Variants in PLCL1 observed in about 807,000 individuals in gnomAD.
PLCL1 encodes the protein inactive phospholipase C-like protein 1.
Under a neutral mutation model 84.4 loss-of-function variants are expected in PLCL1, and 41 were observed. That is an observed-to-expected ratio of 0.49 (90% CI 0.38 to 0.63). The LOEUF is 0.63. Among genes scored for constraint, PLCL1 ranks in the 30% least tolerant of loss-of-function variants. The pLI, the probability that PLCL1 is intolerant of heterozygous loss-of-function variation, is 0.00. For missense variants in PLCL1, 1,206 were observed against 1,367.8 expected, an observed-to-expected ratio of 0.88 and a Z score of 1.87; for synonymous variants, 490 against 488.3, an observed-to-expected ratio of 1.00 and a Z score of -0.05.
Position 198,149,111 on chromosome 2 carries a change from G to A in PLCL1, c.*2149G>A, listed in dbSNP as rs761698221. 6 of 152,380 alleles carry A rather than the reference G, an allele frequency of 3.9e-5. No homozygotes were observed. The highest frequency in any genetic ancestry group is 8.8e-5 in the Non-Finnish European group (6 of 68,058). The allele number at this position is 152,380 out of a possible 1,614,324, so 9.4% of individuals were successfully genotyped here. A position where few individuals can be genotyped will look rare whatever the true frequency, so the allele number is the denominator to read the frequency against. ...GGAGGAGCTTTGGATTCTGGGAGTGGAGGTGGCAAGGGAAAAGTCTCCTAG... is the reference window on the plus strand; with the variant it reads ...GGAGGAGCTTTGGATTCTGGGAGTGAAGGTGGCAAGGGAAAAGTCTCCTAG... On this transcript the variant is annotated 3_prime_UTR_variant, in exon 6 of 6. Coordinates refer to ENST00000428675, the MANE Select transcript of PLCL1 (RefSeq NM_006226.4).
At chr2:198,067,885 T>G (rs771914423) in intron 1 of PLCL1, among the ~76,000 whole-genome samples, 2 of 152,248 alleles carry the variant, frequency 1.3e-5, no homozygotes, top group Non-Finnish European at 2.9e-5. Context: ...GTGGTTTTAC[T>G]TGGAGGTTCT....
chr2:197,808,037 T>C lies in PLCL1; in HGVS notation c.240+2698T>C, dbSNP rs186267204. 3.3e-5 allele frequency among the ~76,000 whole-genome samples: 5 copies of C among 152,342 alleles called. No individual in the cohort carries two copies. The South Asian group carries it at 6.2e-4, about 19-fold the overall frequency. ...AAAACAATGACAACATTTATCTGTA[T>C]GCATCTTCAGAAATTCTTTCTACTG... On this transcript the variant is annotated intron_variant, in intron 1 of 5. Transcript: ENST00000428675.
At chr2:197,836,883 G>A (rs963489163) in intron 1 of PLCL1, among the ~76,000 whole-genome samples, 2 of 152,010 alleles carry the variant, frequency 1.3e-5, no homozygotes, top group Admixed American at 6.6e-5. Context: ...TGTTTTTGTT[G>A]AGATGGAAGT....
intron 1 of PLCL1, among the ~76,000 whole-genome samples, chr2:197,957,740 T>C (rs563788269): frequency 1.3e-5 from 2 of 152,244 alleles, no homozygotes; most frequent in East Asian, 3.9e-4. Context: ...GGAGGAATGT[T>C]ACTTTTTATG....
intron 1 of PLCL1, among the ~76,000 whole-genome samples, chr2:197,882,616 A>T (rs1241008725): frequency 6.6e-6 from 1 of 152,152 alleles, no homozygotes; most frequent in Non-Finnish European, 1.5e-5. Context: ...CTTACTTTGG[A>T]TGTATTACTC....
chr2:198,144,459 A>G (rs556299772), intron 5 of PLCL1, among the ~76,000 whole-genome samples: 3 of 152,310 alleles, frequency 2.0e-5, no homozygotes, highest in African/African-American at 7.2e-5. Flanking sequence ...AATTTTTAAT[A>G]AAATATAGAT....
At chr2:198,113,888 A>G (rs1348948432) in intron 5 of PLCL1, among the ~76,000 whole-genome samples, 1 of 151,816 alleles carries the variant, frequency 6.6e-6, no homozygotes. Flanking sequence ...TCTGCAGCGA[A>G]GTTTTATAAC....
At chr2:198,110,975 T>TAAA (rs1419973747) in intron 5 of PLCL1, among the ~76,000 whole-genome samples, 1 of 151,822 alleles carries the variant, frequency 6.6e-6, no homozygotes, top group African/African-American at 2.4e-5. Context: ...GCATTAATAA[T>TAAA]AAACCATCCT....
At chr2:198,139,202 A>AT (rs1694326966) in intron 5 of PLCL1, among the ~76,000 whole-genome samples, 1 of 151,986 alleles carries the variant, frequency 6.6e-6, no homozygotes, top group Admixed American at 6.6e-5. Context: ...GTGTATGGAC[A>AT]TTATTTACTT....
At chr2:198,038,265 C>G (rs1691588942) in intron 1 of PLCL1, among the ~76,000 whole-genome samples, 1 of 152,082 alleles carries the variant, frequency 6.6e-6, no homozygotes, top group Non-Finnish European at 1.5e-5. Context: ...ATAGATTTTG[C>G]CCATATTTCC....
Position 197,983,114 on chromosome 2 carries a change from A to G in PLCL1, c.241-100644A>G, listed in dbSNP as rs560900836. 3.3e-5 allele frequency among the ~76,000 whole-genome samples: 5 copies of G among 150,766 alleles called. 1 individual carries two copies. In the South Asian group the frequency reaches 1.1e-3, roughly 32 times the overall value. On this transcript the variant is annotated intron_variant, in intron 1 of 5. Coordinates refer to ENST00000428675, the MANE Select transcript of PLCL1 (RefSeq NM_006226.4). Reference sequence around the variant, plus strand: ...CAAATGAGGAGTTATTATTTGCTTCAGGAAGCTTCTCTTGGGGATTAAATA... The same window carrying G: ...CAAATGAGGAGTTATTATTTGCTTCGGGAAGCTTCTCTTGGGGATTAAATA...
intron 1 of PLCL1, among the ~76,000 whole-genome samples, chr2:197,989,949 A>G (rs1177081318): frequency 2.0e-5 from 3 of 152,182 alleles, no homozygotes; most frequent in Non-Finnish European, 4.4e-5. Flanking sequence ...AAATGTACAG[A>G]TAGTGCCTAC....
intron 1 of PLCL1, among the ~76,000 whole-genome samples, chr2:197,938,296 G>A (rs183572324): frequency 3.3e-5 from 5 of 152,228 alleles, no homozygotes; most frequent in African/African-American, 1.2e-4. Context: ...AGTATTCCAA[G>A]CCACTGACTC....
chr2:198,012,582 G>A (rs972318058), intron 1 of PLCL1, among the ~76,000 whole-genome samples: 1 of 151,806 alleles, frequency 6.6e-6, no homozygotes, highest in African/African-American at 2.4e-5. Context: ...GATAGGGAAG[G>A]ACTTACTATT....
chr2:197,815,730 C>T (rs889993464), intron 1 of PLCL1, among the ~76,000 whole-genome samples: 5 of 152,032 alleles, frequency 3.3e-5, no homozygotes, highest in African/African-American at 4.8e-5. Context: ...TGATTCCAAC[C>T]TCATGGATGA....
intron 1 of PLCL1, among the ~76,000 whole-genome samples, chr2:197,844,525 C>G (rs1372916272): frequency 6.6e-6 from 1 of 152,096 alleles, no homozygotes; most frequent in Non-Finnish European, 1.5e-5. Flanking sequence ...TTTACACTTA[C>G]TGTCACTCTT....
At chr2:197,943,627 C>CTTTTTTTTTT (rs5837573) in intron 1 of PLCL1, among the ~76,000 whole-genome samples, 318 of 119,176 alleles carry the variant, frequency 2.7e-3, no homozygotes, top group Non-Finnish European at 3.1e-3. Flanking sequence ...TTGGTTACAT[C>CTTTTTTTTTT]TTTTTTTTTT....
At chr2:198,017,977 C>G (rs1286138601) in intron 1 of PLCL1, among the ~76,000 whole-genome samples, 1 of 152,130 alleles carries the variant, frequency 6.6e-6, no homozygotes, top group Non-Finnish European at 1.5e-5. Context: ...GTCTGCAGCT[C>G]CCAGTGAGAC....
chr2:197,852,514 A>T (rs1687257564), intron 1 of PLCL1, among the ~76,000 whole-genome samples: 1 of 152,202 alleles, frequency 6.6e-6, no homozygotes, highest in South Asian at 2.1e-4. Flanking sequence ...AAAGGAGGAG[A>T]TGAAGGTGTG....
Sources: gnomAD v4.1 joint callset for allele counts (sites outside exome capture counted in the v4.1 genomes callset) on GRCh38, gnomAD v4.1.1 for gene constraint, MANE v1.5 for transcripts, NCBI Gene and HGNC (gene_info 2026-07-23, HGNC 2026-07-21) for gene names.